The following PHF24 variants were observed in gnomAD, a reference collection of about 807,000 sequenced individuals.
PHF24 encodes the protein Galpha inhibitory interacting protein.
A neutral mutation model predicts 42.6 loss-of-function variants in PHF24; 25 were observed. The observed-to-expected ratio is 0.59, with a 90% confidence interval of 0.43 to 0.82. The LOEUF (loss-of-function observed/expected upper bound fraction) is 0.82, where lower values mean the gene tolerates loss of function less well. Among genes scored for constraint, PHF24 ranks in the 40% least tolerant of loss-of-function variants. PHF24 has a pLI of 0.00. For missense variants in PHF24, 470 were observed against 538.1 expected (o/e 0.87, Z 1.25); for synonymous variants, 185 against 204.8 (o/e 0.90, Z 0.83).
At chr9:34,712,480 A>G in the PHF24 span, among the ~76,000 whole-genome samples, 1 of 151,950 alleles carries the variant, frequency 6.6e-6, no homozygotes. Context: ...CATACTTGAT[A>G]ATTTTAATTG....
At chr9:34,922,307 T>G in the PHF24 span, 2 of 1,592,134 alleles carry the variant, frequency 1.3e-6, no homozygotes, top group East Asian at 2.2e-5. Flanking sequence ...CTTCACTTAA[T>G]GTATCAAGTT....
At chr9:34,939,891 A>G in the PHF24 span, among the ~76,000 whole-genome samples, 3 of 151,612 alleles carry the variant, frequency 2.0e-5, no homozygotes, top group African/African-American at 7.3e-5. Flanking sequence ...TCCCTTCTCC[A>G]TTCTAAATTC....
chr9:34,944,941 TA>T, the PHF24 span, among the ~76,000 whole-genome samples: 1 of 139,704 alleles, frequency 7.2e-6, no homozygotes, highest in African/African-American at 2.6e-5. Context: ...AAATCAAAAA[TA>T]AAATAAATTC....
chr9:34,935,431 T>G, the PHF24 span, among the ~76,000 whole-genome samples: 6 of 151,934 alleles, frequency 3.9e-5, no homozygotes, highest in Admixed American at 3.9e-4. Flanking sequence ...TCATCTCAAC[T>G]AAAAATACAA....
At chr9:34,968,084 A>G (rs1444374549) in intron 1 of PHF24, among the ~76,000 whole-genome samples, 1 of 152,246 alleles carries the variant, frequency 6.6e-6, no homozygotes, top group African/African-American at 2.4e-5. Context: ...AAGTACATAC[A>G]GTACAAAAAT....
the PHF24 span, among the ~76,000 whole-genome samples, chr9:34,838,758 C>T: frequency 6.6e-6 from 1 of 152,214 alleles, no homozygotes; most frequent in Non-Finnish European, 1.5e-5. Flanking sequence ...AGTCTGTCTT[C>T]ACTTTCCACT....
the PHF24 span, among the ~76,000 whole-genome samples, chr9:34,747,401 G>A: frequency 1.3e-5 from 2 of 152,084 alleles, no homozygotes; most frequent in Admixed American, 6.6e-5. Context: ...GGGTGATAGA[G>A]CAAGACCTTG....
At chr9:34,878,424 C>A in the PHF24 span, among the ~76,000 whole-genome samples, 1 of 152,266 alleles carries the variant, frequency 6.6e-6, no homozygotes, top group Non-Finnish European at 1.5e-5. Flanking sequence ...GGCATTGCCT[C>A]ACCTGGGAAG....
chr9:34,709,748 C>G, the PHF24 span: 1 of 1,614,074 alleles, frequency 6.2e-7, no homozygotes, highest in Non-Finnish European at 8.5e-7. Flanking sequence ...CCGTCACCAG[C>G]CAGTACCCAC....
chr9:34,957,881 C>T (rs1260698313), upstream of PHF24, among the ~76,000 whole-genome samples: 3 of 152,118 alleles, frequency 2.0e-5, 1 homozygote, highest in South Asian at 6.2e-4. Flanking sequence ...CCAGCGCCCC[C>T]AAGGCGCCCC....
At chr9:34,775,474 T>C in the PHF24 span, among the ~76,000 whole-genome samples, 1 of 152,184 alleles carries the variant, frequency 6.6e-6, no homozygotes, top group African/African-American at 2.4e-5. Context: ...GTGATGGTTG[T>C]ACAGCAGTGG....
At chr9:34,861,277 A>G in the PHF24 span, among the ~76,000 whole-genome samples, 8 of 152,184 alleles carry the variant, frequency 5.3e-5, no homozygotes, top group Non-Finnish European at 1.0e-4. Context: ...CAAAATGGAA[A>G]TACCTCATTG....
At chr9:34,763,372 A>C in the PHF24 span, among the ~76,000 whole-genome samples, 314 of 152,140 alleles carry the variant, frequency 2.1e-3, 2 homozygotes, top group African/African-American at 6.6e-3. Context: ...CTTTTATTTC[A>C]TTGAGCAGTG....
the PHF24 span, among the ~76,000 whole-genome samples, chr9:34,823,102 A>G: frequency 2.0e-5 from 3 of 146,344 alleles, no homozygotes; most frequent in African/African-American, 5.0e-5. Flanking sequence ...AGGCTGAGGC[A>G]GGAGAATGGC....
chr9:34,865,478 C>G, the PHF24 span, among the ~76,000 whole-genome samples: 4 of 151,940 alleles, frequency 2.6e-5, no homozygotes, highest in Non-Finnish European at 5.9e-5. Context: ...ACAGGAGAAT[C>G]GCTTAAATCC....
At chr9:34,730,924 T>C in the PHF24 span, among the ~76,000 whole-genome samples, 27 of 152,176 alleles carry the variant, frequency 1.8e-4, no homozygotes. Context: ...AGAGCAATTG[T>C]GAGAAAGATT....
chr9:34,673,539 C>T, the PHF24 span, among the ~76,000 whole-genome samples: 6 of 151,390 alleles, frequency 4.0e-5, no homozygotes, highest in Non-Finnish European at 8.8e-5. Flanking sequence ...GGTGTGATCT[C>T]GGCTCACTGC....
the PHF24 span, among the ~76,000 whole-genome samples, chr9:34,877,992 A>G: frequency 6.6e-6 from 1 of 152,216 alleles, no homozygotes; most frequent in East Asian, 1.9e-4. Flanking sequence ...ATGTCATTAT[A>G]CATTGGTCAG....
At chr9:34,892,058 G>T in the PHF24 span, among the ~76,000 whole-genome samples, 1 of 152,170 alleles carries the variant, frequency 6.6e-6, no homozygotes, top group Non-Finnish European at 1.5e-5. Context: ...TCTAAAGTCA[G>T]ACCAGGGATC....
Sources: gnomAD v4.1 joint callset for allele counts (sites outside exome capture counted in the v4.1 genomes callset) on GRCh38, gnomAD v4.1.1 for gene constraint, MANE v1.5 for transcripts, NCBI Gene and HGNC (gene_info 2026-07-23, HGNC 2026-07-21) for gene names.